Variants in CUX1 observed in about 807,000 individuals in gnomAD.
CUX1 encodes protein CASP.
In CUX1, 31 loss-of-function variants were observed where a neutral mutation model predicts 158.8. The observed-to-expected ratio is 0.20, with a 90% confidence interval of 0.15 to 0.26. The LOEUF (loss-of-function observed/expected upper bound fraction) is 0.26. Among genes scored for constraint, CUX1 ranks in the 10% least tolerant of loss-of-function variants. CUX1 has a pLI of 1.00. For missense variants in CUX1, 1,589 were observed against 2,014.6 expected (o/e 0.79, Z 4.04); for synonymous variants, 879 against 862.1 (o/e 1.02, Z -0.34).
intron 22 of CUX1, among the ~76,000 whole-genome samples, chr7:102,238,171 AGAGTC>A (rs1481433590): frequency 6.6e-6 from 1 of 152,154 alleles, no homozygotes; most frequent in Non-Finnish European, 1.5e-5. Context: ...GTGGAGGAGC[AGAGTC>A]TTCTCTAAAC....
intron 2 of CUX1, among the ~76,000 whole-genome samples, chr7:101,925,980 T>G (rs530202503): frequency 3.3e-5 from 5 of 152,106 alleles, no homozygotes; most frequent in African/African-American, 1.2e-4. Context: ...CTAAACTAAA[T>G]TAAAAAAGAA....
At chr7:102,216,328 A>C (rs1417759215) in intron 20 of CUX1, among the ~76,000 whole-genome samples, 1 of 152,024 alleles carries the variant, frequency 6.6e-6, no homozygotes, top group Non-Finnish European at 1.5e-5. Context: ...AAAATTTAAC[A>C]AACAAAAAAA....
chr7:102,178,903 T>G (rs1792707130), intron 11 of CUX1, among the ~76,000 whole-genome samples: 1 of 152,220 alleles, frequency 6.6e-6, no homozygotes, highest in Non-Finnish European at 1.5e-5. Context: ...CTCGCTCTGT[T>G]GCCCAGGCTA....
At chr7:102,036,197 C>G (rs1821408014) in intron 3 of CUX1, among the ~76,000 whole-genome samples, 1 of 152,026 alleles carries the variant, frequency 6.6e-6, no homozygotes, top group African/African-American at 2.4e-5. Context: ...CTCAGGCGAT[C>G]AGACTGCCTC....
intron 8 of CUX1, among the ~76,000 whole-genome samples, chr7:102,129,946 C>T (rs781958325): frequency 2.0e-5 from 3 of 152,176 alleles, no homozygotes; most frequent in Non-Finnish European, 4.4e-5. Flanking sequence ...GGCTCTTGTT[C>T]GGGGATTTCG....
At chr7:102,230,755 G>A (rs1554530393) in intron 21 of CUX1, among the ~76,000 whole-genome samples, 2 of 152,170 alleles carry the variant, frequency 1.3e-5, no homozygotes, top group African/African-American at 4.8e-5. Flanking sequence ...GAATCATGCA[G>A]GGATTCCTAG....
chr7:101,893,788 A>G (rs1801173045), intron 1 of CUX1, among the ~76,000 whole-genome samples: 1 of 152,250 alleles, frequency 6.6e-6, no homozygotes, highest in African/African-American at 2.4e-5. Context: ...AGTGCATCTC[A>G]TGCAGATAAT....
At chr7:102,059,636 A>G in intron 3 of CUX1, among the ~76,000 whole-genome samples, 1 of 100,264 alleles carries the variant, frequency 1.0e-5, no homozygotes, top group South Asian at 3.3e-4. Flanking sequence ...CATCTCAAAA[A>G]AAAAAAAAAA....
chr7:102,196,699 C>G lies in CUX1; in HGVS notation c.1288C>G (p.Pro430Ala), dbSNP rs200423314. Reference sequence around the variant, plus strand: ...GCGCCCGGGATCTTTGCCGGCCCCCCCTCCTTCTCAGTTGCCCCGCAACCC... The same window carrying G: ...GCGCCCGGGATCTTTGCCGGCCCCCGCTCCTTCTCAGTTGCCCCGCAACCC... ...SRRPGSLPAP[P>A]PSQLPRNPGE... The change falls in exon 15 of 24, where the codon CCT becomes GCT. Residue 430 changes from proline (P) to alanine (A), a missense_variant. Physicochemically the swap from Pro to Ala is conservative, Grantham distance 27. Transcript: ENST00000292535. The G allele has an allele frequency of 8.8e-5, 142 of 1,607,718 alleles. No homozygotes were observed. Among genetic ancestry groups the G allele is most frequent in the Non-Finnish European group, 1.1e-4 (130 of 1,176,112 alleles).
At chr7:101,994,277 C>T (rs1815527065) in intron 2 of CUX1, among the ~76,000 whole-genome samples, 1 of 152,212 alleles carries the variant, frequency 6.6e-6, no homozygotes, top group African/African-American at 2.4e-5. Flanking sequence ...TTTGGAATCT[C>T]TTGGCCAGCT....
At chr7:101,971,719 C>CA (rs1811975283) in intron 2 of CUX1, among the ~76,000 whole-genome samples, 1 of 151,726 alleles carries the variant, frequency 6.6e-6, no homozygotes, top group East Asian at 1.9e-4. Context: ...CTGGTGTTGG[C>CA]AAAAAAAATT....
intron 3 of CUX1, among the ~76,000 whole-genome samples, chr7:102,030,689 G>GTGTTTTTTTTTTTTTTTTTTTTT (rs1554459461): frequency 1.2e-5 from 1 of 82,540 alleles, no homozygotes; most frequent in Non-Finnish European, 2.1e-5. Context: ...ATTTTAAAAA[G>GTGTTTTTTTTTTTTTTTTTTTTT]TGTTTTTTTT....
At chr7:101,899,376 C>T (rs1259195517) in intron 1 of CUX1, among the ~76,000 whole-genome samples, 6 of 152,048 alleles carry the variant, frequency 3.9e-5, no homozygotes, top group South Asian at 2.1e-4. Context: ...TGGCAAAACC[C>T]GGTCTCTACT....
chr7:102,082,073 C>T lies in CUX1; in HGVS notation c.268+11656C>T, dbSNP rs782455036. ...CAGCCTCCAGAATGTATCCCAGATT[C>T]GCCCACTTACCCTTCAGCCACTGTC... On this transcript the variant is annotated intron_variant, in intron 4 of 23. Coordinates refer to ENST00000292535, the MANE Select transcript of CUX1 (RefSeq NM_181552.4). Among the ~76,000 whole-genome samples, 33 of 146,900 alleles carry T rather than the reference C, an allele frequency of 2.2e-4. 5 individuals carry two copies. Among genetic ancestry groups the T allele is most frequent in the Non-Finnish European group, 3.2e-4 (21 of 65,128 alleles).
intron 3 of CUX1, among the ~76,000 whole-genome samples, chr7:102,060,391 G>A (rs2130345641): frequency 6.6e-6 from 1 of 152,008 alleles, no homozygotes; most frequent in African/African-American, 2.4e-5. Context: ...AAAGAAAGGT[G>A]CTGACTTTGG....
At chr7:102,132,308 TGCGC>T (rs369163250) in intron 8 of CUX1, among the ~76,000 whole-genome samples, 2,407 of 57,076 alleles carry the variant, frequency 0.042, 80 homozygotes, top group African/African-American at 0.11. Context: ...TGTGTGTGTG[TGCGC>T]GCGCGCGCGC....
chr7:102,204,364 T>C (rs1164031135), intron 18 of CUX1, 27 bp from the exon 19 acceptor site: 9 of 1,611,416 alleles, frequency 5.6e-6, no homozygotes, highest in African/African-American at 4.0e-5. Context: ...CAGGCACTGA[T>C]GGCCTGTGTG....
intron 1 of CUX1, among the ~76,000 whole-genome samples, chr7:101,914,934 A>G (rs959455328): frequency 1.3e-5 from 2 of 152,160 alleles, no homozygotes; most frequent in South Asian, 4.1e-4. Flanking sequence ...CAAGGAGGAA[A>G]GCCTGTGGGA....
At chr7:101,821,857 G>T (rs61479735) in intron 1 of CUX1, among the ~76,000 whole-genome samples, 4,792 of 82,972 alleles carry the variant, frequency 0.058, 151 homozygotes, top group African/African-American at 0.083. Flanking sequence ...TTGTTTTTTT[G>T]TTTTTTTTTT....
Sources: gnomAD v4.1 joint callset for allele counts (sites outside exome capture counted in the v4.1 genomes callset) on GRCh38, gnomAD v4.1.1 for gene constraint, MANE v1.5 for transcripts, NCBI Gene and HGNC (gene_info 2026-07-23, HGNC 2026-07-21) for gene names.